The following ANXA8 variants were observed in gnomAD, a reference collection of about 807,000 sequenced individuals.
ANXA8 encodes annexin A8, also known as VAC-beta.
In ANXA8, 9 loss-of-function variants were observed where a neutral mutation model predicts 26.8. That is an observed-to-expected ratio of 0.34 (90% confidence interval 0.20 to 0.59). The LOEUF (loss-of-function observed/expected upper bound fraction) is 0.59, where lower values mean the gene tolerates loss of function less well. Among genes scored for constraint, ANXA8 ranks in the 20% least tolerant of loss-of-function variants. ANXA8 has a pLI of 0.84. For synonymous variants in ANXA8, 39 were observed against 94.8 expected (o/e 0.41, Z 3.42); for missense variants, 83 against 238.5 (o/e 0.35, Z 4.29).
chr10:47,599,925 G>C, the ANXA8 span: 40 of 149,948 alleles, frequency 2.7e-4, 2 homozygotes, highest in African/African-American at 9.1e-4. Context: ...GGCCGTCGCC[G>C]GCACCCTGTC....
chr10:47,505,252 G>A, the ANXA8 span, among the ~76,000 whole-genome samples: 20 of 101,038 alleles, frequency 2.0e-4, no homozygotes, highest in African/African-American at 3.7e-4. Flanking sequence ...CTGCTTTTTC[G>A]TTGACACTTG....
the ANXA8 span, among the ~76,000 whole-genome samples, chr10:47,697,426 A>C: frequency 6.6e-6 from 1 of 151,570 alleles, no homozygotes; most frequent in East Asian, 1.9e-4. Flanking sequence ...AAAATGCTGA[A>C]GTATCATACA....
the ANXA8 span, among the ~76,000 whole-genome samples, chr10:47,767,721 A>G: frequency 6.6e-6 from 1 of 151,676 alleles, no homozygotes; most frequent in Non-Finnish European, 1.5e-5. Context: ...TGCCCCCGTG[A>G]GAGGCTAATC....
the ANXA8 span, among the ~76,000 whole-genome samples, chr10:47,702,461 C>T: frequency 5.9e-5 from 9 of 151,338 alleles, no homozygotes; most frequent in Non-Finnish European, 1.2e-4. Context: ...CTGCTTCAGC[C>T]TCCCAAGTAG....
the ANXA8 span, among the ~76,000 whole-genome samples, chr10:47,592,238 G>A: frequency 2.6e-5 from 4 of 151,392 alleles, no homozygotes; most frequent in East Asian, 7.7e-4. Flanking sequence ...TGGACTGGTA[G>A]GAGAGCTGCC....
chr10:47,469,275 C>T (rs2132386352), intron 11 of ANXA8, among the ~76,000 whole-genome samples: 1 of 151,078 alleles, frequency 6.6e-6, no homozygotes, highest in Non-Finnish European at 1.5e-5. Context: ...CCTGCTGTGG[C>T]AGCTTGGGAA....
chr10:47,684,968 C>T, the ANXA8 span, among the ~76,000 whole-genome samples: 5 of 150,408 alleles, frequency 3.3e-5, no homozygotes, highest in East Asian at 2.0e-4. Flanking sequence ...CTCCTTCTTC[C>T]GTTGTGGCCC....
the ANXA8 span, among the ~76,000 whole-genome samples, chr10:47,650,821 G>A: frequency 2.0e-5 from 3 of 148,268 alleles, no homozygotes; most frequent in Non-Finnish European, 4.5e-5. Context: ...AAAAAAAAAG[G>A]GCAAAGAATT....
chr10:47,899,019 G>A, the ANXA8 span, among the ~76,000 whole-genome samples: 1 of 150,542 alleles, frequency 6.6e-6, no homozygotes, highest in African/African-American at 2.4e-5. Context: ...TTTTTTTTTA[G>A]TATAGATGGA....
At chr10:47,769,275 A>G in the ANXA8 span, among the ~76,000 whole-genome samples, 171 of 147,826 alleles carry the variant, frequency 1.2e-3, 1 homozygote, top group African/African-American at 3.6e-3. Flanking sequence ...TTACGAGACC[A>G]TCAAGACAGA....
chr10:47,506,580 T>C, the ANXA8 span, among the ~76,000 whole-genome samples: 1 of 142,644 alleles, frequency 7.0e-6, no homozygotes, highest in Admixed American at 7.2e-5. Flanking sequence ...TCCACCCACC[T>C]TGGCCTCCCA....
chr10:47,584,699 A>G, the ANXA8 span, among the ~76,000 whole-genome samples: 1 of 101,938 alleles, frequency 9.8e-6, no homozygotes, highest in African/African-American at 4.8e-5. Context: ...GAGGCCATAG[A>G]AACTCTTCCT....
At chr10:47,969,053 T>C in the ANXA8 span, among the ~76,000 whole-genome samples, 1 of 148,836 alleles carries the variant, frequency 6.7e-6, no homozygotes, top group East Asian at 2.0e-4. Flanking sequence ...TCAGCTCTTG[T>C]AGGGTGCCTC....
chr10:47,659,477 C>T, the ANXA8 span, among the ~76,000 whole-genome samples: 404 of 151,352 alleles, frequency 2.7e-3, no homozygotes, highest in Non-Finnish European at 4.3e-3. Context: ...GTCAGGAGTT[C>T]GAGACCAGCC....
chr10:47,762,732 CG>C, the ANXA8 span: 1 of 1,075,220 alleles, frequency 9.3e-7, no homozygotes, highest in African/African-American at 1.7e-5. Context: ...CGCCGTCGGG[CG>C]AGCACAGGGG....
chr10:47,759,302 TTTGG>T, the ANXA8 span, among the ~76,000 whole-genome samples: 1 of 150,068 alleles, frequency 6.7e-6, no homozygotes, highest in East Asian at 2.0e-4. Context: ...GCTTCAGGCC[TTTGG>T]GATAATTCCC....
the ANXA8 span, among the ~76,000 whole-genome samples, chr10:47,748,651 C>T: frequency 6.6e-6 from 1 of 152,186 alleles, no homozygotes; most frequent in Non-Finnish European, 1.5e-5. Flanking sequence ...TTCCTGCCTC[C>T]CTCCTGTCGT....
At chr10:47,506,432 G>T in the ANXA8 span, among the ~76,000 whole-genome samples, 1 of 138,212 alleles carries the variant, frequency 7.2e-6, no homozygotes, top group Non-Finnish European at 1.5e-5. Context: ...CCAGGCTCAA[G>T]TGATTCTCCT....
the ANXA8 span, among the ~76,000 whole-genome samples, chr10:47,949,400 C>T: frequency 1.9e-4 from 29 of 149,710 alleles, no homozygotes; most frequent in South Asian, 3.6e-3. Flanking sequence ...ATTTTCCTCA[C>T]ACTAACAAAT....
Sources: gnomAD v4.1 joint callset for allele counts (sites outside exome capture counted in the v4.1 genomes callset) on GRCh38, gnomAD v4.1.1 for gene constraint, MANE v1.5 for transcripts, NCBI Gene and HGNC (gene_info 2026-07-23, HGNC 2026-07-21) for gene names.